The following TMCO5A variants were observed in gnomAD, a reference collection of about 807,000 sequenced individuals.
TMCO5A encodes transmembrane and coiled-coil domain-containing protein 5A.
Under a neutral mutation model 42.3 loss-of-function variants are expected in TMCO5A, and 34 were observed. The ratio of observed to expected loss-of-function variants is 0.80; its 90% CI spans 0.61 to 1.07. The LOEUF is 1.07. Among genes scored for constraint, TMCO5A ranks in the 50% least tolerant of loss-of-function variants. TMCO5A has a pLI of 0.00. For synonymous variants in TMCO5A, 131 were observed against 115.6 expected, an observed-to-expected ratio of 1.13 and a Z score of -0.86; for missense variants, 357 against 327.9, an observed-to-expected ratio of 1.09 and a Z score of -0.69.
the TMCO5A span, among the ~76,000 whole-genome samples, chr15:37,978,098 C>T: frequency 4.3e-3 from 655 of 152,338 alleles, 8 homozygotes; most frequent in African/African-American, 0.015. Context: ...TCCAGAGAAA[C>T]ACAGCCACTG....
At chr15:38,011,717 T>C in the TMCO5A span, among the ~76,000 whole-genome samples, 1 of 152,200 alleles carries the variant, frequency 6.6e-6, no homozygotes, top group East Asian at 1.9e-4. Context: ...ATTCAGACTT[T>C]AAAATAAAAA....
At chr15:38,021,897 C>T in the TMCO5A span, among the ~76,000 whole-genome samples, 155 of 151,550 alleles carry the variant, frequency 1.0e-3, no homozygotes, top group Non-Finnish European at 1.4e-3. Flanking sequence ...GCAACCTCCA[C>T]CTCCTGGGTT....
At chr15:37,958,595 C>T (rs1415990704) in intron 11 of TMCO5A, among the ~76,000 whole-genome samples, 2 of 151,962 alleles carry the variant, frequency 1.3e-5, no homozygotes, top group African/African-American at 2.4e-5. Context: ...GTTAGAATGG[C>T]GATCATTAAA....
At chr15:37,950,013 C>A (rs1264642917) in intron 11 of TMCO5A, among the ~76,000 whole-genome samples, 2 of 152,174 alleles carry the variant, frequency 1.3e-5, no homozygotes, top group Non-Finnish European at 2.9e-5. Context: ...ACTGCATAGA[C>A]CCTTCCATAA....
the TMCO5A span, among the ~76,000 whole-genome samples, chr15:38,010,237 G>T: frequency 5.3e-5 from 8 of 151,702 alleles, no homozygotes; most frequent in Non-Finnish European, 1.0e-4. Context: ...TTAGCCGGGC[G>T]TATTGGCCGG....
At chr15:38,010,361 C>CGACA in the TMCO5A span, among the ~76,000 whole-genome samples, 1 of 118,424 alleles carries the variant, frequency 8.4e-6, no homozygotes, top group African/African-American at 3.3e-5. Flanking sequence ...CCAGCCTGGG[C>CGACA]GACAGAGCGA....
chr15:38,014,779 C>T, the TMCO5A span, among the ~76,000 whole-genome samples: 1 of 147,222 alleles, frequency 6.8e-6, no homozygotes, highest in Non-Finnish European at 1.5e-5. Flanking sequence ...TTCTAAGTCA[C>T]TTAAAGATCC....
downstream of TMCO5A, among the ~76,000 whole-genome samples, chr15:37,970,806 T>TCTC (rs200366158): frequency 0.016 from 2,439 of 152,292 alleles, 74 homozygotes; most frequent in African/African-American, 0.055. Context: ...TCCAAAATGA[T>TCTC]CTCCTTTGAT....
At chr15:37,966,883 A>C (rs1304830315) in exon 12 of TMCO5A, 7 of 573,016 alleles carry the variant, frequency 1.2e-5, no homozygotes, top group Non-Finnish European at 2.2e-5. Context: ...CAGTCAAAGA[A>C]GAAGAACAAA....
chr15:38,014,853 TTATATATATATATA>T, the TMCO5A span, among the ~76,000 whole-genome samples: 174 of 54,628 alleles, frequency 3.2e-3, 3 homozygotes, highest in South Asian at 0.012. Flanking sequence ...AGGAGAAAGA[TTATATATATATATA>T]TATATATATA....
downstream of TMCO5A, among the ~76,000 whole-genome samples, chr15:37,968,743 C>G (rs57903715): frequency 6.6e-6 from 1 of 151,944 alleles, no homozygotes. Flanking sequence ...CCACCACGCC[C>G]GGCTAATTTT....
chr15:37,947,756 G>T, intron 11 of TMCO5A, 60 bp downstream of exon 11: 2 of 1,172,988 alleles, frequency 1.7e-6, no homozygotes, highest in South Asian at 1.3e-5. Flanking sequence ...TTAGCTATTC[G>T]GGCAGAGGGA....
chr15:38,007,872 C>CTTTTTTTTTTTTTTTTTTTTTTTTTTTTT, the TMCO5A span, among the ~76,000 whole-genome samples: 2 of 47,366 alleles, frequency 4.2e-5, 1 homozygote. Flanking sequence ...CTCACCCACA[C>CTTTTTTTTTTTTTTTTTTTTTTTTTTTTT]TTTTTTTTTT....
downstream of TMCO5A, among the ~76,000 whole-genome samples, chr15:37,969,822 G>T (rs1890640714): frequency 6.6e-6 from 1 of 152,094 alleles, no homozygotes; most frequent in South Asian, 2.1e-4. Flanking sequence ...TTATGATAAT[G>T]GCCTCAAACT....
the TMCO5A span, among the ~76,000 whole-genome samples, chr15:37,982,941 A>G: frequency 1.3e-5 from 2 of 151,780 alleles, no homozygotes; most frequent in South Asian, 4.1e-4. Flanking sequence ...TTTTCTATTC[A>G]TAGTCCTCTC....
At chr15:37,993,101 A>G in the TMCO5A span, among the ~76,000 whole-genome samples, 1 of 152,148 alleles carries the variant, frequency 6.6e-6, no homozygotes, top group African/African-American at 2.4e-5. Context: ...CTATTTATCA[A>G]TATTTTCATT....
the TMCO5A span, among the ~76,000 whole-genome samples, chr15:38,025,202 G>GTGT: frequency 2.6e-4 from 37 of 141,418 alleles, no homozygotes; most frequent in Admixed American, 6.3e-4. Flanking sequence ...TGTGTGTGTG[G>GTGT]AAGCAGAAAA....
At chr15:37,991,666 T>A in the TMCO5A span, among the ~76,000 whole-genome samples, 27 of 152,250 alleles carry the variant, frequency 1.8e-4, no homozygotes, top group African/African-American at 6.3e-4. Context: ...AATTGTTTCT[T>A]AGGCTTGCTC....
At chr15:38,033,787 T>G in the TMCO5A span, among the ~76,000 whole-genome samples, 12 of 152,030 alleles carry the variant, frequency 7.9e-5, no homozygotes, top group Admixed American at 7.9e-4. Flanking sequence ...CAAATTTTTG[T>G]ATTTTTAGTA....
Sources: gnomAD v4.1 joint callset for allele counts (sites outside exome capture counted in the v4.1 genomes callset) on GRCh38, gnomAD v4.1.1 for gene constraint, MANE v1.5 for transcripts, NCBI Gene and HGNC (gene_info 2026-07-23, HGNC 2026-07-21) for gene names.